The following LMLN variants were observed in gnomAD, a reference collection of about 807,000 sequenced individuals.
LMLN encodes leishmanolysin like peptidase.
In LMLN, 70 loss-of-function variants were observed where a neutral mutation model predicts 92.3. That is an observed-to-expected ratio of 0.76 (90% CI 0.63 to 0.92). LMLN has a LOEUF of 0.92. Among genes scored for constraint, LMLN ranks in the 40% least tolerant of loss-of-function variants. The pLI is 0.00. For synonymous variants in LMLN, 308 were observed against 296.2 expected, an observed-to-expected ratio of 1.04 and a Z score of -0.41; for missense variants, 691 against 814.6, an observed-to-expected ratio of 0.85 and a Z score of 1.85.
At chr3:197,963,469 G>A (rs569843496) in intron 1 of LMLN, among the ~76,000 whole-genome samples, 1 of 152,284 alleles carries the variant, frequency 6.6e-6, no homozygotes, top group South Asian at 2.1e-4. Flanking sequence ...AGGATTACAG[G>A]CATGAGCCGC....
At chr3:197,985,508 A>T (rs1166909371) in intron 7 of LMLN, 3 of 202,598 alleles carry the variant, frequency 1.5e-5, no homozygotes, top group African/African-American at 7.0e-5. Flanking sequence ...ATATAATTAT[A>T]CGACAGTAAT....
intron 14 of LMLN, among the ~76,000 whole-genome samples, chr3:198,030,600 G>T (rs1010438138): frequency 3.3e-5 from 5 of 152,122 alleles, no homozygotes; most frequent in African/African-American, 1.2e-4. Flanking sequence ...TGCTAATCTC[G>T]ACTATATAAT....
chr3:197,976,624 G>A (rs754643012), exon 5 of LMLN: 9 of 1,597,436 alleles, frequency 5.6e-6, no homozygotes, highest in East Asian at 2.3e-5. Flanking sequence ...CAATACCTCC[G>A]GAAGGAAAAC....
chr3:197,991,439 C>CA (rs1721866347), intron 9 of LMLN, among the ~76,000 whole-genome samples: 13 of 152,052 alleles, frequency 8.5e-5, no homozygotes, highest in Non-Finnish European at 1.6e-4. Context: ...GCTCACATGA[C>CA]TGTGGAAGTT....
At chr3:197,976,528 T>C (rs200610682) in intron 4 of LMLN, 70 bp from the exon 5 acceptor site, 3 of 812,092 alleles carry the variant, frequency 3.7e-6, no homozygotes, top group Non-Finnish European at 5.9e-6. Flanking sequence ...CCAGTTGGTT[T>C]CCATGTTTTT....
At chr3:198,022,550 A>G (rs1421679273) in intron 13 of LMLN, among the ~76,000 whole-genome samples, 1 of 152,184 alleles carries the variant, frequency 6.6e-6, no homozygotes, top group African/African-American at 2.4e-5. Context: ...TTTCCCCATC[A>G]TTCATCTATT....
chr3:198,039,707 G>C (rs556369266), exon 16 of LMLN: 1 of 151,964 alleles, frequency 6.6e-6, no homozygotes, highest in South Asian at 2.1e-4. Flanking sequence ...TGATTTAACC[G>C]TGCTTGCCCT....
At chr3:198,021,135 G>C (rs1722770699) in intron 12 of LMLN, among the ~76,000 whole-genome samples, 1 of 152,012 alleles carries the variant, frequency 6.6e-6, no homozygotes, top group African/African-American at 2.4e-5. Context: ...TGTTTTGTCA[G>C]CTCTTAAAAC....
intron 1 of LMLN, among the ~76,000 whole-genome samples, chr3:197,965,740 C>T (rs796901703): frequency 2.6e-5 from 4 of 152,172 alleles, no homozygotes; most frequent in African/African-American, 9.6e-5. Context: ...TTAGTGAAAC[C>T]CCGTGTCTAC....
chr3:198,012,369 G>A (rs894570490), intron 11 of LMLN, among the ~76,000 whole-genome samples: 11 of 152,184 alleles, frequency 7.2e-5, no homozygotes, highest in Non-Finnish European at 1.5e-4. Context: ...ACATTCGGAC[G>A]CTGGGTGAAG....
chr3:198,018,040 C>G (rs1232188467), intron 11 of LMLN, among the ~76,000 whole-genome samples: 1 of 152,216 alleles, frequency 6.6e-6, no homozygotes. Flanking sequence ...CAGTGCTTCT[C>G]TGGAATTTGT....
At chr3:198,010,442 C>T (rs184942259) in intron 11 of LMLN, among the ~76,000 whole-genome samples, 31 of 151,900 alleles carry the variant, frequency 2.0e-4, no homozygotes, top group Admixed American at 2.0e-3. Context: ...AGTCACCACG[C>T]CCAGCGTTTT....
intron 15 of LMLN, among the ~76,000 whole-genome samples, chr3:198,037,049 A>T (rs1316443911): frequency 6.6e-6 from 1 of 152,198 alleles, no homozygotes; most frequent in African/African-American, 2.4e-5. Flanking sequence ...CTGTAGGCAG[A>T]GGATGAGTTT....
chr3:198,027,246 A>C (rs183934928), intron 14 of LMLN, among the ~76,000 whole-genome samples: 130 of 151,960 alleles, frequency 8.6e-4, no homozygotes, highest in Non-Finnish European at 1.3e-3. Flanking sequence ...TCCCGGTCAC[A>C]CACCTCCCCC....
chr3:198,032,305 G>T (rs982452040), intron 14 of LMLN, among the ~76,000 whole-genome samples: 3 of 152,102 alleles, frequency 2.0e-5, no homozygotes, highest in African/African-American at 7.2e-5. Context: ...TTCTAGGAAG[G>T]AAGTCGATTT....
chr3:197,996,493 G>A lies in LMLN; in HGVS notation c.1155+211G>A, dbSNP rs181048301. The A allele has an allele frequency of 1.2e-4, 38 of 328,386 alleles. No homozygotes were observed. The Admixed American group carries it at 1.7e-3, about 15-fold the overall frequency. The allele number at this position is 328,386 out of a possible 1,614,324, so 20.3% of individuals were successfully genotyped here. ...TATATGTATGTGTGTGCAAACACACGCTGAATTGTCTATTTTTTCATGGGT... is the reference window on the plus strand; with the variant it reads ...TATATGTATGTGTGTGCAAACACACACTGAATTGTCTATTTTTTCATGGGT... On this transcript the variant is annotated intron_variant, in intron 10 of 15. Transcript: ENST00000330198.
At chr3:198,014,427 C>T (rs375125904) in intron 11 of LMLN, among the ~76,000 whole-genome samples, 2 of 118,522 alleles carry the variant, frequency 1.7e-5, no homozygotes, top group Admixed American at 8.0e-5. Flanking sequence ...TTCTCTCCAC[C>T]CTTCAGAGCC....
chr3:197,971,895 A>G (rs770356843), intron 1 of LMLN, among the ~76,000 whole-genome samples: 3 of 146,560 alleles, frequency 2.0e-5, no homozygotes, highest in Non-Finnish European at 3.0e-5. Context: ...ATAGGACTCT[A>G]ATTACCTATC....
chr3:197,991,925 G>A (rs1241476671), intron 9 of LMLN, among the ~76,000 whole-genome samples: 5 of 145,638 alleles, frequency 3.4e-5, no homozygotes, highest in East Asian at 2.0e-4. Flanking sequence ...GCAATGGCAC[G>A]AGCTCAGCTC....
Sources: allele counts gnomAD v4.1 joint callset (sites outside exome capture counted in the v4.1 genomes callset), GRCh38; gene constraint gnomAD v4.1.1; transcripts MANE v1.5; gene names NCBI Gene and HGNC (gene_info 2026-07-23, HGNC 2026-07-21).